DHRSX: variants seen among roughly 807,000 people sequenced by gnomAD.
The protein encoded by DHRSX is dehydrogenase/reductase X-linked, also known as polyprenol dehydrogenase.
A neutral mutation model predicts 34.0 loss-of-function variants in DHRSX; 31 were observed. The ratio of observed to expected loss-of-function variants is 0.91; its 90% CI spans 0.69 to 1.23. DHRSX has a LOEUF of 1.23. DHRSX is among the 50% of genes most tolerant of loss of function. The pLI, the probability that DHRSX is intolerant of heterozygous loss-of-function variation, is 0.00. For missense variants in DHRSX, 414 were observed against 428.1 expected (o/e 0.97, Z 0.29); for synonymous variants, 201 against 183.8 (o/e 1.09, Z -0.76).
At chrX:2,411,732 G>GAAAAC (rs887348052) in intron 2 of DHRSX, among the ~76,000 whole-genome samples, 6 of 134,150 alleles carry the variant, frequency 4.5e-5, no homozygotes, top group African/African-American at 5.7e-5. Flanking sequence ...ATCTCAAAAA[G>GAAAAC]AAAACAAAAC....
At chrX:2,488,965 T>C in intron 1 of DHRSX, 5 of 1,596,656 alleles carry the variant, frequency 3.1e-6, no homozygotes, top group Non-Finnish European at 4.3e-6. Flanking sequence ...TGAGGGGGTC[T>C]TCGTTGAGGC....
At chrX:2,387,744 A>T (rs2043287832) in intron 3 of DHRSX, among the ~76,000 whole-genome samples, 2 of 151,984 alleles carry the variant, frequency 1.3e-5, no homozygotes, top group South Asian at 4.2e-4. Context: ...CTAAGTATTA[A>T]TCATCGCAGA....
At chrX:2,229,218 G>C (rs960711581) in intron 6 of DHRSX, among the ~76,000 whole-genome samples, 1 of 152,134 alleles carries the variant, frequency 6.6e-6, no homozygotes, top group Non-Finnish European at 1.5e-5. Flanking sequence ...GGCAAGTAAA[G>C]AGACTCCTAG....
chrX:2,368,045 C>T (rs1450474953), intron 3 of DHRSX, among the ~76,000 whole-genome samples: 1 of 151,916 alleles, frequency 6.6e-6, no homozygotes, highest in Non-Finnish European at 1.5e-5. Flanking sequence ...GAGTTCAAGA[C>T]CAGCCTGGCC....
chrX:2,257,741 T>G (rs2041298707), intron 5 of DHRSX, among the ~76,000 whole-genome samples: 2 of 152,178 alleles, frequency 1.3e-5, no homozygotes, highest in East Asian at 1.9e-4. Context: ...TTCTCCTGCC[T>G]CAGCCTCCCC....
intron 1 of DHRSX, among the ~76,000 whole-genome samples, chrX:2,437,253 C>T (rs987582615): frequency 6.6e-6 from 1 of 152,116 alleles, no homozygotes; most frequent in Non-Finnish European, 1.5e-5. Context: ...CCCACCTCAG[C>T]CTCCCAAAGT....
rs781026467 is a variant in DHRSX, at chrX:2,432,149, A to C, written c.110-6845T>G. Among the ~76,000 whole-genome samples, 147 of 152,134 alleles carry C rather than the reference A, an allele frequency of 9.7e-4. 1 individual carries two copies. The East Asian group carries it at 0.017, about 17-fold the overall frequency. On this transcript the variant is annotated intron_variant, in intron 1 of 6. Coordinates refer to ENST00000334651, the MANE Select transcript of DHRSX (RefSeq NM_145177.3). ...GTGGAGCTTGCAGTGAGCTGAGATC[A>C]CGCCAGTGCACTCCAGCCAGGGCGA...
At chrX:2,253,201 C>T (rs1185353191) in intron 5 of DHRSX, among the ~76,000 whole-genome samples, 1 of 151,536 alleles carries the variant, frequency 6.6e-6, no homozygotes, top group Admixed American at 6.6e-5. Flanking sequence ...CGCCACTGCA[C>T]GGCCTGGGAG....
intron 3 of DHRSX, among the ~76,000 whole-genome samples, chrX:2,323,582 G>C (rs2042339226): frequency 6.6e-6 from 1 of 152,152 alleles, no homozygotes; most frequent in African/African-American, 2.4e-5. Context: ...GAGCAACAGA[G>C]GAAGATCCCA....
chrX:2,391,160 T>C (rs1208144783), intron 3 of DHRSX, among the ~76,000 whole-genome samples: 2 of 152,208 alleles, frequency 1.3e-5, no homozygotes, highest in Non-Finnish European at 2.9e-5. Flanking sequence ...TCCAATTCTT[T>C]GAGGTATATA....
intron 3 of DHRSX, among the ~76,000 whole-genome samples, chrX:2,338,547 T>C (rs1171300850): frequency 6.6e-6 from 1 of 151,932 alleles, no homozygotes; most frequent in African/African-American, 2.4e-5. Context: ...GAGATCAATG[T>C]CCTTTCTTGA....
chrX:2,485,798 A>G (rs868526191), intron 1 of DHRSX, among the ~76,000 whole-genome samples: 2 of 29,020 alleles, frequency 6.9e-5, no homozygotes, highest in Non-Finnish European at 1.3e-4. Context: ...GAGAAGGGAG[A>G]GAAGGAAGGA....
intron 3 of DHRSX, among the ~76,000 whole-genome samples, chrX:2,306,613 T>G (rs2042100194): frequency 1.3e-5 from 2 of 152,002 alleles, no homozygotes. Context: ...CCACCACGCC[T>G]GGCTAATTTT....
intron 6 of DHRSX, among the ~76,000 whole-genome samples, chrX:2,225,348 G>A (rs965627449): frequency 1.6e-4 from 23 of 142,538 alleles, no homozygotes; most frequent in Non-Finnish European, 2.1e-4. Flanking sequence ...TCACAAGTAC[G>A]CACATACACA....
intron 1 of DHRSX, among the ~76,000 whole-genome samples, chrX:2,437,489 A>G (rs751419233): frequency 9.6e-4 from 146 of 152,194 alleles, no homozygotes; most frequent in Non-Finnish European, 1.7e-3. Context: ...ATGTGGTCCC[A>G]GCTACTCAGG....
chrX:2,249,668 C>T (rs1358461077), intron 5 of DHRSX, among the ~76,000 whole-genome samples: 4 of 151,198 alleles, frequency 2.6e-5, no homozygotes, highest in African/African-American at 9.7e-5. Flanking sequence ...GGACTACAGG[C>T]GCCTACCATC....
chrX:2,258,398 A>T (rs1206288448), intron 5 of DHRSX, among the ~76,000 whole-genome samples: 1 of 152,036 alleles, frequency 6.6e-6, no homozygotes, highest in African/African-American at 2.4e-5. Flanking sequence ...GGACTGTGAG[A>T]GAATAATGTC....
intron 3 of DHRSX, among the ~76,000 whole-genome samples, chrX:2,306,926 CTT>C (rs779898766): frequency 0.37 from 48,372 of 131,892 alleles, 8,952 homozygotes; most frequent in Non-Finnish European, 0.45. Flanking sequence ...GGTCTTGGGG[CTT>C]TTTTTTTTTT....
intron 4 of DHRSX, among the ~76,000 whole-genome samples, chrX:2,283,464 C>G: frequency 6.6e-6 from 1 of 152,232 alleles, no homozygotes; most frequent in Middle Eastern, 3.4e-3. Flanking sequence ...ATGCATGCGC[C>G]GCGATGCAAC....
Sources: allele counts gnomAD v4.1 joint callset (sites outside exome capture counted in the v4.1 genomes callset), GRCh38; gene constraint gnomAD v4.1.1; transcripts MANE v1.5; gene names NCBI Gene and HGNC (gene_info 2026-07-23, HGNC 2026-07-21).